The following PRICKLE2 variants were observed in gnomAD, a reference collection of about 807,000 sequenced individuals.
The protein encoded by PRICKLE2 is prickle-like protein 2.
A neutral mutation model predicts 81.4 loss-of-function variants in PRICKLE2; 21 were observed. The observed-to-expected ratio is 0.26, with a 90% CI of 0.18 to 0.37. The LOEUF is 0.37. Among genes scored for constraint, PRICKLE2 ranks in the 10% least tolerant of loss-of-function variants. The pLI, the probability that PRICKLE2 is intolerant of heterozygous loss-of-function variation, is 1.00. For missense variants in PRICKLE2, 940 were observed against 1,109.0 expected (o/e 0.85, Z 2.16); for synonymous variants, 456 against 421.5 (o/e 1.08, Z -1.00).
chr3:64,183,511 G>C (rs1403615738), intron 2 of PRICKLE2, among the ~76,000 whole-genome samples: 1 of 151,896 alleles, frequency 6.6e-6, no homozygotes, highest in Non-Finnish European at 1.5e-5. Flanking sequence ...AATGCATAAA[G>C]CAAAAACAGA....
intron 7 of PRICKLE2, among the ~76,000 whole-genome samples, chr3:64,128,834 C>T (rs1351821762): frequency 1.3e-5 from 2 of 151,536 alleles, no homozygotes; most frequent in Non-Finnish European, 2.9e-5. Flanking sequence ...CAGTACATAT[C>T]CCCTCCCTCT....
At chr3:64,170,033 A>G (rs562109489) in intron 2 of PRICKLE2, among the ~76,000 whole-genome samples, 8 of 152,042 alleles carry the variant, frequency 5.3e-5, no homozygotes, top group Middle Eastern at 3.4e-3. Flanking sequence ...TTTTGCCCCT[A>G]TTTGCCAGAA....
intron 7 of PRICKLE2, among the ~76,000 whole-genome samples, chr3:64,116,770 A>G (rs916685163): frequency 2.6e-5 from 4 of 152,270 alleles, no homozygotes; most frequent in African/African-American, 9.6e-5. Flanking sequence ...CAGGTGTCCA[A>G]AGAAGAGCTG....
At chr3:64,234,308 C>CGT (rs1553658857) in intron 2 of PRICKLE2, among the ~76,000 whole-genome samples, 1 of 151,872 alleles carries the variant, frequency 6.6e-6, no homozygotes, top group South Asian at 2.1e-4. Flanking sequence ...CCCATTTCTT[C>CGT]ATCTTTGCCA....
chr3:64,120,374 G>A (rs999430235), intron 7 of PRICKLE2, among the ~76,000 whole-genome samples: 5 of 152,134 alleles, frequency 3.3e-5, no homozygotes, highest in Non-Finnish European at 7.3e-5. Context: ...GGTGCTTCCG[G>A]AAATCTGGAA....
chr3:64,179,015 C>A (rs572933218), intron 2 of PRICKLE2, among the ~76,000 whole-genome samples: 4 of 137,678 alleles, frequency 2.9e-5, no homozygotes, highest in African/African-American at 8.4e-5. Flanking sequence ...TTCTTTCTTT[C>A]TTTCTTTCTT....
At chr3:64,126,665 C>T (rs1180185339) in intron 7 of PRICKLE2, among the ~76,000 whole-genome samples, 1 of 152,132 alleles carries the variant, frequency 6.6e-6, no homozygotes, top group East Asian at 1.9e-4. Context: ...GCAACCTCCG[C>T]CTCCCAGGTA....
chr3:64,120,692 T>G lies in PRICKLE2; in HGVS notation c.1661-20767A>C, dbSNP rs1418132448. Among the ~76,000 whole-genome samples the G allele has an allele frequency of 5.3e-5, 8 of 152,190 alleles. 1 individual carries two copies. Among genetic ancestry groups the G allele is most frequent in the South Asian group, 4.1e-4 (2 of 4,830 alleles). The stretch of plus-strand genomic sequence containing the variant: ...GTCTGGGGTGCTTTCCTTTATCTCA[T>G]GAGTGTGGAAAGAAAGCCTAGCTCC... On this transcript the variant is annotated intron_variant, in intron 7 of 7. Transcript: ENST00000638394.
chr3:64,151,585 G>A (rs995515434), intron 6 of PRICKLE2, among the ~76,000 whole-genome samples: 9 of 152,252 alleles, frequency 5.9e-5, no homozygotes, highest in Middle Eastern at 3.4e-3. Context: ...GATGGGAAGG[G>A]GTATTGTTGC....
chr3:64,241,238 C>T (rs547166607), intron 2 of PRICKLE2, among the ~76,000 whole-genome samples: 3 of 152,346 alleles, frequency 2.0e-5, no homozygotes, highest in South Asian at 4.1e-4. Context: ...TTAACAACAA[C>T]ATCTGGATAC....
intron 2 of PRICKLE2, among the ~76,000 whole-genome samples, chr3:64,251,521 G>A (rs1418812942): frequency 7.2e-5 from 11 of 152,200 alleles, no homozygotes; most frequent in African/African-American, 2.4e-4. Flanking sequence ...TCCTGATACA[G>A]CCGACTTTGA....
At chr3:64,163,559 T>C (rs2077769893) in intron 2 of PRICKLE2, 1 of 236,554 alleles carries the variant, frequency 4.2e-6, no homozygotes, top group Non-Finnish European at 8.5e-6. Context: ...AGCCAGTCTT[T>C]GGCACTCGGC....
At chr3:64,208,342 GCTC>G in intron 1 of PRICKLE2, among the ~76,000 whole-genome samples, 1 of 152,192 alleles carries the variant, frequency 6.6e-6, no homozygotes, top group East Asian at 1.9e-4. Flanking sequence ...CACAAGCAAC[GCTC>G]CTCAAGAACT....
chr3:64,115,497 G>C (rs2076920043), intron 7 of PRICKLE2, among the ~76,000 whole-genome samples: 1 of 152,132 alleles, frequency 6.6e-6, no homozygotes. Flanking sequence ...TAAAGAGATA[G>C]AGAAAAACCT....
chr3:64,173,692 A>C (rs2077972415), intron 2 of PRICKLE2, among the ~76,000 whole-genome samples: 1 of 152,202 alleles, frequency 6.6e-6, no homozygotes, highest in South Asian at 2.1e-4. Context: ...AAACAGCTAA[A>C]GAGCACTTTG....
In PRICKLE2 at chr3:64,097,874, TGCCTTCTGTTTTCAAATA is replaced by T. The variant is rs1172210928; in HGVS notation, c.*1159_*1176del. 1 of 152,742 alleles carries T rather than the reference TGCCTTCTGTTTTCAAATA, an allele frequency of 6.5e-6. No individual in the cohort carries two copies. Among genetic ancestry groups the T allele is most frequent in the Non-Finnish European group, 1.5e-5 (1 of 68,114 alleles). The allele number at this position is 152,742 out of a possible 1,614,324, so 9.5% of individuals were successfully genotyped here. On this transcript the variant is annotated 3_prime_UTR_variant, in exon 8 of 8. Transcript: ENST00000638394. ...TCTCCTTTAACTTCTACCCTTGACC[TGCCTTCTGTTTTCAAATA>T]GCCTTGTTCCTTCTCCAGGCATGAC...
chr3:64,249,797 T>C (rs1352739412), intron 2 of PRICKLE2, among the ~76,000 whole-genome samples: 1 of 152,226 alleles, frequency 6.6e-6, no homozygotes, highest in African/African-American at 2.4e-5. Context: ...AAATGCTCCT[T>C]GAAGGTGGAG....
intron 1 of PRICKLE2, among the ~76,000 whole-genome samples, chr3:64,205,466 T>A (rs1362640475): frequency 6.6e-6 from 1 of 152,224 alleles, no homozygotes; most frequent in Non-Finnish European, 1.5e-5. Flanking sequence ...TGCCTGCCAT[T>A]ACTTGAAAGG....
intron 7 of PRICKLE2, chr3:64,145,334 A>C (rs2077430472): frequency 7.2e-6 from 1 of 138,472 alleles, no homozygotes; most frequent in African/African-American, 2.6e-5. Flanking sequence ...ATATATACAC[A>C]CAATATATAT....
Sources: allele counts gnomAD v4.1 joint callset (sites outside exome capture counted in the v4.1 genomes callset), GRCh38; gene constraint gnomAD v4.1.1; transcripts MANE v1.5; gene names NCBI Gene and HGNC (gene_info 2026-07-23, HGNC 2026-07-21).